Variants in LRRC4C observed in about 807,000 individuals in gnomAD.
LRRC4C encodes the protein leucine-rich repeat-containing protein 4C.
A neutral mutation model predicts 33.6 loss-of-function variants in LRRC4C; 5 were observed. The observed-to-expected ratio is 0.15, with a 90% CI of 0.08 to 0.31. The LOEUF (loss-of-function observed/expected upper bound fraction) is 0.31. LRRC4C is among the 10% of genes least tolerant of loss of function. The pLI, the probability that LRRC4C is intolerant of heterozygous loss-of-function variation, is 1.00. For missense variants in LRRC4C, 560 were observed against 796.7 expected (o/e 0.70, Z 3.58); for synonymous variants, 329 against 302.0 (o/e 1.09, Z -0.93).
At chr11:40,208,005 A>G (rs570202410) in intron 5 of LRRC4C, among the ~76,000 whole-genome samples, 48 of 152,288 alleles carry the variant, frequency 3.2e-4, no homozygotes, top group African/African-American at 1.2e-3. Flanking sequence ...ACTACGGGAC[A>G]CTAAGGAAAC....
intron 2 of LRRC4C, among the ~76,000 whole-genome samples, chr11:40,654,334 G>C (rs1942981210): frequency 6.6e-6 from 1 of 152,156 alleles, no homozygotes. Flanking sequence ...AGGCTGGGAG[G>C]GCTGCTATTC....
At chr11:40,468,170 G>C (rs1952747433) in intron 3 of LRRC4C, among the ~76,000 whole-genome samples, 1 of 152,064 alleles carries the variant, frequency 6.6e-6, no homozygotes, top group Non-Finnish European at 1.5e-5. Flanking sequence ...GAGTTCTCCA[G>C]AGAAACAGAA....
At chr11:40,836,444 A>G (rs1172750303) in intron 2 of LRRC4C, among the ~76,000 whole-genome samples, 1 of 152,208 alleles carries the variant, frequency 6.6e-6, no homozygotes, top group Non-Finnish European at 1.5e-5. Flanking sequence ...AAAAATACAT[A>G]TAGAAAGAAA....
chr11:41,347,198 C>T (rs1436764883), intron 1 of LRRC4C, among the ~76,000 whole-genome samples: 3 of 152,178 alleles, frequency 2.0e-5, no homozygotes, highest in Non-Finnish European at 2.9e-5. Flanking sequence ...CTGGCTGAAA[C>T]GCTTGAGTTA....
chr11:40,647,373 A>G (rs570069903), intron 3 of LRRC4C, among the ~76,000 whole-genome samples: 2 of 152,134 alleles, frequency 1.3e-5, no homozygotes, highest in African/African-American at 2.4e-5. Flanking sequence ...TCCTTAACAC[A>G]GTGAAACCCC....
chr11:40,573,102 A>T (rs978958628), intron 3 of LRRC4C, among the ~76,000 whole-genome samples: 3 of 152,166 alleles, frequency 2.0e-5, no homozygotes, highest in East Asian at 3.9e-4. Context: ...CTGGGATTGG[A>T]GATTCAGGAG....
intron 2 of LRRC4C, among the ~76,000 whole-genome samples, chr11:40,872,550 T>A (rs1954704328): frequency 6.6e-6 from 1 of 152,128 alleles, no homozygotes; most frequent in African/African-American, 2.4e-5. Flanking sequence ...CTTAAATGTC[T>A]CTTCTTAAAG....
chr11:41,207,446 G>A (rs566787961), intron 1 of LRRC4C, among the ~76,000 whole-genome samples: 3 of 152,200 alleles, frequency 2.0e-5, no homozygotes, highest in Admixed American at 1.3e-4. Flanking sequence ...TCTAACCCCT[G>A]AAGTGTTTAT....
At chr11:40,949,790 A>G (rs1255162074) in intron 1 of LRRC4C, among the ~76,000 whole-genome samples, 2 of 152,016 alleles carry the variant, frequency 1.3e-5, no homozygotes, top group African/African-American at 4.8e-5. Flanking sequence ...CATTGAGACT[A>G]GGAAGAAACT....
intron 1 of LRRC4C, among the ~76,000 whole-genome samples, chr11:41,119,327 C>A (rs1164601710): frequency 6.6e-6 from 1 of 152,126 alleles, no homozygotes; most frequent in Non-Finnish European, 1.5e-5. Context: ...GATTGAGAAA[C>A]TTCCCTAAGG....
chr11:40,949,211 G>A (rs2136692769), intron 1 of LRRC4C, among the ~76,000 whole-genome samples: 1 of 152,188 alleles, frequency 6.6e-6, no homozygotes, highest in Middle Eastern at 3.4e-3. Flanking sequence ...ATTTTGATGG[G>A]GTTGTTTGTT....
intron 1 of LRRC4C, among the ~76,000 whole-genome samples, chr11:41,412,966 C>G (rs1479929728): frequency 6.6e-6 from 1 of 152,094 alleles, no homozygotes; most frequent in African/African-American, 2.4e-5. Context: ...TGCTGTTGCT[C>G]TATTTCTATC....
At chr11:41,153,113 C>T (rs944081659) in intron 1 of LRRC4C, among the ~76,000 whole-genome samples, 1 of 152,118 alleles carries the variant, frequency 6.6e-6, no homozygotes, top group Non-Finnish European at 1.5e-5. Flanking sequence ...CTTTCTCATG[C>T]TGCTCCAACA....
At chr11:40,392,260 A>C (rs568042784) in intron 3 of LRRC4C, among the ~76,000 whole-genome samples, 1 of 152,342 alleles carries the variant, frequency 6.6e-6, no homozygotes, top group African/African-American at 2.4e-5. Flanking sequence ...TGCATTTAGC[A>C]AAACGTATAT....
intron 1 of LRRC4C, among the ~76,000 whole-genome samples, chr11:41,376,330 G>A (rs991073930): frequency 3.9e-5 from 6 of 152,118 alleles, no homozygotes; most frequent in African/African-American, 1.4e-4. Context: ...TAACTAGCAA[G>A]TCTGAGATGC....
intron 3 of LRRC4C, among the ~76,000 whole-genome samples, chr11:40,425,045 C>T (rs141819639): frequency 7.2e-5 from 11 of 151,902 alleles, no homozygotes; most frequent in Admixed American, 1.3e-4. Flanking sequence ...CAAATGCTAC[C>T]GAGGTGTACA....
chr11:41,128,866 C>T (rs1185580097), intron 1 of LRRC4C, among the ~76,000 whole-genome samples: 1 of 151,988 alleles, frequency 6.6e-6, no homozygotes, highest in African/African-American at 2.4e-5. Context: ...CTTCATATAT[C>T]TATCTGTACT....
At chr11:40,375,656 C>A (rs1380344986) in intron 3 of LRRC4C, among the ~76,000 whole-genome samples, 1 of 152,128 alleles carries the variant, frequency 6.6e-6, no homozygotes, top group Non-Finnish European at 1.5e-5. Flanking sequence ...ATGATGACTG[C>A]ACAATGATTA....
At chr11:40,809,891 C>T (rs1055559655) in intron 2 of LRRC4C, among the ~76,000 whole-genome samples, 2 of 152,076 alleles carry the variant, frequency 1.3e-5, no homozygotes, top group African/African-American at 4.8e-5. Flanking sequence ...ACTTATATGA[C>T]TTTTAGTACT....
Sources: allele counts gnomAD v4.1 joint callset (sites outside exome capture counted in the v4.1 genomes callset), GRCh38; gene constraint gnomAD v4.1.1; transcripts MANE v1.5; gene names NCBI Gene and HGNC (gene_info 2026-07-23, HGNC 2026-07-21).